The following N4BP1 variants were observed in gnomAD, a reference collection of about 807,000 sequenced individuals.
N4BP1 encodes NEDD4-binding protein 1.
In N4BP1, 21 loss-of-function variants were observed where a neutral mutation model predicts 70.9. That is an observed-to-expected ratio of 0.30 (90% CI 0.21 to 0.43). The LOEUF is 0.43. Ranked by LOEUF, N4BP1 falls within the 20% of genes least tolerant of loss-of-function variation. The pLI, the probability that N4BP1 is intolerant of heterozygous loss-of-function variation, is 1.00. For missense variants in N4BP1, 936 were observed against 1,069.4 expected (o/e 0.88, Z 1.74); for synonymous variants, 387 against 394.6 (o/e 0.98, Z 0.23).
At chr16:48,584,732 G>A (rs528729649) in intron 1 of N4BP1, among the ~76,000 whole-genome samples, 14 of 152,042 alleles carry the variant, frequency 9.2e-5, no homozygotes, top group African/African-American at 3.1e-4. Context: ...AACACACTGC[G>A]AGATTACCAT....
intron 5 of N4BP1, among the ~76,000 whole-genome samples, chr16:48,547,219 T>C (rs996943202): frequency 2.0e-5 from 3 of 152,252 alleles, no homozygotes; most frequent in African/African-American, 7.2e-5. Flanking sequence ...TACTATATAT[T>C]AGTTATACTT....
Position 48,594,017 on chromosome 16 carries a change from AAC to A in N4BP1, c.198+15756_198+15757del, listed in dbSNP as rs1491412295. Among the ~76,000 whole-genome samples the A allele has an allele frequency of 1.4e-3, 213 of 150,106 alleles. 45 individuals carry two copies. Among genetic ancestry groups the A allele is most frequent in the African/African-American group, 3.3e-3 (134 of 40,636 alleles). ...ACTCCGTCTCAAAAAAAAAAAAAAA[AAC>A]AAAAAAAAAACCACCTAGCTTTAGC... On this transcript the variant is annotated intron_variant, in intron 1 of 6. Transcript: ENST00000262384.
Position 48,602,144 on chromosome 16 carries a change from A to T in N4BP1, c.198+7631T>A, listed in dbSNP as rs141310418. 5.7e-3 allele frequency among the ~76,000 whole-genome samples: 868 copies of T among 152,310 alleles called. 4 individuals are homozygous for T. Among genetic ancestry groups the T allele is most frequent in the Middle Eastern group, 0.014 (4 of 294 alleles). On this transcript the variant is annotated intron_variant, in intron 1 of 6. Transcript: ENST00000262384. The stretch of plus-strand genomic sequence containing the variant: ...GAGTCTGAGGTGGGAGAATCACTTG[A>T]ACCCAAAAGGCAGAGGTTGCAGTGA...
chr16:48,543,080 G>A lies in N4BP1; in HGVS notation c.2515C>T (p.Leu839Phe), dbSNP rs1211473217. 1.1e-5 allele frequency: 18 copies of A among 1,613,838 alleles called. No homozygotes were observed. Among genetic ancestry groups the A allele is most frequent in the Non-Finnish European group, 1.5e-5 (18 of 1,179,840 alleles). ...HFPLLPALPS[L>F]QQNLPMPAQR... ...GCTGGCATGGGCAGGTTCTGCTGGAGACTGGGGAGGGCTGGCAGCAGTGGG... is the reference window on the plus strand; with the variant it reads ...GCTGGCATGGGCAGGTTCTGCTGGAAACTGGGGAGGGCTGGCAGCAGTGGG... The change falls in exon 7 of 7, where the codon CTC becomes TTC. Residue 839 changes from leucine (L) to phenylalanine (F), a missense_variant. By Grantham distance (22) the Leu-to-Phe change is conservative. Around this residue, in one of 4 missense-constraint regions of N4BP1, gnomAD observed 229 missense variants for 343.5 expected, o/e 0.67. Coordinates refer to ENST00000262384, the MANE Select transcript of N4BP1 (RefSeq NM_153029.4).
intron 6 of N4BP1, 108 bp downstream of exon 6, chr16:48,546,039 A>AT (rs201623691): frequency 3.9e-4 from 273 of 694,212 alleles, no homozygotes; most frequent in East Asian, 2.7e-3. Flanking sequence ...AAAAAAAAAA[A>AT]AATAATTTTT....
intron 4 of N4BP1, among the ~76,000 whole-genome samples, chr16:48,548,779 G>C (rs1963624755): frequency 6.7e-6 from 1 of 150,128 alleles, no homozygotes; most frequent in African/African-American, 2.5e-5. Flanking sequence ...GGTGGAGGGT[G>C]CAGTGAGCCA....
chr16:48,561,685 C>A lies in N4BP1; in HGVS notation c.958G>T (p.Val320Leu). Residue 320 changes from valine (V) to leucine (L), a missense_variant, in exon 2 of 7, where the codon GTA becomes TTA. Val to Leu is a conservative substitution (Grantham distance 32). Transcript: ENST00000262384. The part of the protein sequence containing the change: ...LHDAKTLAGN[V>L]IADLSDSSAD... ...GAAGAATCAGATAGGTCAGCTATTA[C>A]ATTTCCAGCCAATGTCTTAGCATCG... 6.2e-7 allele frequency: 1 copy of A among 1,613,026 alleles called. No individual in the cohort carries two copies. The highest frequency in any genetic ancestry group is 8.5e-7 in the Non-Finnish European group (1 of 1,179,872).
chr16:48,561,022 C>A lies in N4BP1; in HGVS notation c.1621G>T (p.Ala541Ser), dbSNP rs868677269. The A allele has an allele frequency of 6.2e-7, 1 of 1,613,980 alleles. No homozygotes were observed. Among genetic ancestry groups the A allele is most frequent in the African/African-American group, 1.3e-5 (1 of 75,036 alleles). ...EPLLPNNMKS[A>S]CEKRLGCCSS... is the part of the protein sequence containing the mutation. ...CAACATCCTAAACGTTTTTCACAGG[C>A]AGATTTCATATTATTTGGAAGCAAG... Residue 541 changes from alanine (A) to serine (S), a missense_variant, in exon 2 of 7, where the codon GCC (alanine) becomes TCC (serine). Physicochemically the swap from Ala to Ser is moderately conservative, Grantham distance 99. Around this residue, in one of 4 missense-constraint regions of N4BP1, gnomAD observed 515 missense variants for 491.7 expected, o/e 1.05. Transcript: ENST00000262384.
At chr16:48,573,041 T>C (rs1174857489) in intron 1 of N4BP1, among the ~76,000 whole-genome samples, 1 of 149,876 alleles carries the variant, frequency 6.7e-6, no homozygotes, top group Non-Finnish European at 1.5e-5. Context: ...TGAGCCTGGG[T>C]ACAGGCTGCA....
At chr16:48,580,624 A>C (rs1964161825) in intron 1 of N4BP1, among the ~76,000 whole-genome samples, 1 of 152,154 alleles carries the variant, frequency 6.6e-6, no homozygotes, top group Non-Finnish European at 1.5e-5. Flanking sequence ...AGGATAAAAC[A>C]AAAAAAGAAA....
At chr16:48,568,482 T>A (rs1272837873) in intron 1 of N4BP1, among the ~76,000 whole-genome samples, 1 of 152,246 alleles carries the variant, frequency 6.6e-6, no homozygotes, top group Non-Finnish European at 1.5e-5. Flanking sequence ...ACCATTTATA[T>A]CTGAAGAACT....
intron 1 of N4BP1, among the ~76,000 whole-genome samples, chr16:48,595,924 T>A (rs1290088914): frequency 1.3e-5 from 2 of 152,220 alleles, no homozygotes; most frequent in African/African-American, 4.8e-5. Flanking sequence ...CTCATAGCTA[T>A]CTGAGGGTAT....
At chr16:48,591,233 T>A (rs1331833819) in intron 1 of N4BP1, among the ~76,000 whole-genome samples, 3 of 152,194 alleles carry the variant, frequency 2.0e-5, no homozygotes, top group Non-Finnish European at 4.4e-5. Context: ...CCAGGTTGAA[T>A]TCTTGGCTTC....
chr16:48,593,389 TAAG>T (rs1964363674), intron 1 of N4BP1, among the ~76,000 whole-genome samples: 2 of 152,266 alleles, frequency 1.3e-5, no homozygotes, highest in African/African-American at 4.8e-5. Flanking sequence ...TAAAAGATTT[TAAG>T]AAGGCATGGG....
intron 4 of N4BP1, 23 bp downstream of exon 4, chr16:48,551,363 G>A: frequency 6.2e-7 from 1 of 1,601,880 alleles, no homozygotes. Flanking sequence ...TCCAACCTTA[G>A]GAAGGAGAAT....
At chr16:48,593,182 A>C (rs1842412310) in intron 1 of N4BP1, among the ~76,000 whole-genome samples, 1 of 152,246 alleles carries the variant, frequency 6.6e-6, no homozygotes, top group Non-Finnish European at 1.5e-5. Context: ...CTATGCTGGA[A>C]AGTCAGACCT....
At chr16:48,571,921 C>G (rs1345924566) in intron 1 of N4BP1, among the ~76,000 whole-genome samples, 1 of 151,998 alleles carries the variant, frequency 6.6e-6, no homozygotes, top group Non-Finnish European at 1.5e-5. Flanking sequence ...CACAGGAAGC[C>G]TGGGTGAGGT....
Position 48,562,183 on chromosome 16 carries a change from A to C in N4BP1, c.460T>G (p.Ser154Ala), listed in dbSNP as rs755720455. 2 of 1,613,950 alleles carry C rather than the reference A, an allele frequency of 1.2e-6. No homozygotes were observed. Among genetic ancestry groups the C allele is most frequent in the South Asian group, 2.2e-5 (2 of 91,084 alleles). ...TGTTTGAATTCCCTTTTCACCTCTGATTCTTTCTGACTACTGGGTAGGTTC... is the reference window on the plus strand; with the variant it reads ...TGTTTGAATTCCCTTTTCACCTCTGCTTCTTTCTGACTACTGGGTAGGTTC... Reference protein sequence around the residue: ...KENLPSSQKESEVKREFKQFV... With the variant: ...KENLPSSQKEAEVKREFKQFV... The change falls in exon 2 of 7, where the codon TCA (serine) becomes GCA (alanine). Residue 154 changes from serine to alanine, a missense_variant. Coordinates refer to ENST00000262384, the MANE Select transcript of N4BP1 (RefSeq NM_153029.4).
At chr16:48,603,519 C>A (rs1964533797) in intron 1 of N4BP1, 1 of 152,146 alleles carries the variant, frequency 6.6e-6, no homozygotes, top group African/African-American at 2.4e-5. Flanking sequence ...TGTTAACCAG[C>A]CAGGCTTCAC....
Sources: allele counts gnomAD v4.1 joint callset (sites outside exome capture counted in the v4.1 genomes callset), GRCh38; gene constraint gnomAD v4.1.1; regional missense constraint gnomAD v4.1.1; transcripts MANE v1.5; gene names NCBI Gene and HGNC (gene_info 2026-07-23, HGNC 2026-07-21).